The following KCNJ6 variants were observed in gnomAD, a reference collection of about 807,000 sequenced individuals.
KCNJ6 encodes the protein potassium inwardly rectifying channel subfamily J member 6.
A neutral mutation model predicts 34.2 loss-of-function variants in KCNJ6; 9 were observed. The ratio of observed to expected loss-of-function variants is 0.26; its 90% CI spans 0.16 to 0.46. KCNJ6 has a LOEUF of 0.46. KCNJ6 is among the 20% of genes least tolerant of loss of function. The probability of loss-of-function intolerance (pLI) is 1.00; values close to 1 mark genes in which losing one functional copy is unlikely to be tolerated. For missense variants in KCNJ6, 236 were observed against 531.3 expected (o/e 0.44, Z 5.46); for synonymous variants, 196 against 207.1 (o/e 0.95, Z 0.46).
At chr21:37,890,954 C>T (rs779093932) in intron 1 of KCNJ6, among the ~76,000 whole-genome samples, 6 of 152,128 alleles carry the variant, frequency 3.9e-5, no homozygotes, top group Non-Finnish European at 8.8e-5. Context: ...AAAATCTTTC[C>T]TGTAAAATAT....
At chr21:37,722,578 C>A (rs1053997223) in intron 2 of KCNJ6, among the ~76,000 whole-genome samples, 11 of 152,152 alleles carry the variant, frequency 7.2e-5, no homozygotes, top group African/African-American at 2.7e-4. Flanking sequence ...GGTACTGGTA[C>A]AAAAACAGAC....
At chr21:37,767,537 T>C (rs2055097367) in intron 2 of KCNJ6, among the ~76,000 whole-genome samples, 1 of 151,926 alleles carries the variant, frequency 6.6e-6, no homozygotes, top group African/African-American at 2.4e-5. Flanking sequence ...CTCTCACCAC[T>C]CCCCAGCCCC....
intron 2 of KCNJ6, among the ~76,000 whole-genome samples, chr21:37,734,282 G>A (rs1258771679): frequency 1.3e-5 from 2 of 152,124 alleles, no homozygotes; most frequent in African/African-American, 4.8e-5. Flanking sequence ...CTCCCACGGG[G>A]GAGGAATTGA....
intron 1 of KCNJ6, among the ~76,000 whole-genome samples, chr21:37,882,397 G>A (rs765716263): frequency 6.6e-6 from 1 of 152,154 alleles, no homozygotes; most frequent in Non-Finnish European, 1.5e-5. Flanking sequence ...CACAGAGGGC[G>A]ATGAAAACTA....
At chr21:37,655,961 T>C (rs540391723) in intron 3 of KCNJ6, among the ~76,000 whole-genome samples, 1 of 152,300 alleles carries the variant, frequency 6.6e-6, no homozygotes, top group Admixed American at 6.5e-5. Context: ...GAGGATGGCA[T>C]AGGAGAGAGC....
intron 1 of KCNJ6, among the ~76,000 whole-genome samples, chr21:37,888,718 C>G (rs189051381): frequency 6.6e-6 from 1 of 152,142 alleles, no homozygotes; most frequent in Non-Finnish European, 1.5e-5. Context: ...GATCACAACG[C>G]AGAAGAGATC....
At chr21:37,759,409 C>T (rs1006853186) in intron 2 of KCNJ6, among the ~76,000 whole-genome samples, 2 of 152,180 alleles carry the variant, frequency 1.3e-5, no homozygotes, top group East Asian at 1.9e-4. Flanking sequence ...AGAGCTGAAA[C>T]GCGGCCTCTC....
chr21:37,629,388 T>G (rs1331417850), intron 3 of KCNJ6, among the ~76,000 whole-genome samples: 2 of 152,162 alleles, frequency 1.3e-5, no homozygotes, highest in Non-Finnish European at 1.5e-5. Flanking sequence ...TATTATGGGC[T>G]GAATTGTGCA....
chr21:37,767,569 C>A (rs1184331206), intron 2 of KCNJ6, among the ~76,000 whole-genome samples: 1 of 152,116 alleles, frequency 6.6e-6, no homozygotes, highest in African/African-American at 2.4e-5. Context: ...CAGGGAGAGG[C>A]AGGAAAGTGA....
rs1159760989 is a variant in KCNJ6, at chr21:37,619,864, T to G, written c.*5295A>C. ...CATTTCTCTGTAGTTCATTAAGGAG[T>G]AATTTTACTGTATCCACTTTCTGAG... On this transcript the variant is annotated 3_prime_UTR_variant, in exon 4 of 4. Transcript: ENST00000609713. 6 of 152,042 alleles carry G rather than the reference T, an allele frequency of 3.9e-5. No homozygotes were observed. The highest frequency in any genetic ancestry group is 5.9e-5 in the Non-Finnish European group (4 of 68,026). 9.4% of individuals were successfully genotyped at this position (152,042 alleles called of 1,614,324 possible).
chr21:37,685,706 A>AAAAAAG (rs78443969), intron 3 of KCNJ6, among the ~76,000 whole-genome samples: 1,036 of 51,034 alleles, frequency 0.02, 400 homozygotes, highest in Middle Eastern at 0.065. Flanking sequence ...AAAAAAAAAA[A>AAAAAAG]AATCTATCCT....
At chr21:37,778,466 A>G (rs1325728311) in intron 2 of KCNJ6, among the ~76,000 whole-genome samples, 1 of 152,080 alleles carries the variant, frequency 6.6e-6, no homozygotes, top group Non-Finnish European at 1.5e-5. Context: ...TATTTTTCCA[A>G]TTTTATAGAA....
chr21:37,654,317 G>C (rs2054447679), intron 3 of KCNJ6, among the ~76,000 whole-genome samples: 2 of 151,718 alleles, frequency 1.3e-5, no homozygotes, highest in Non-Finnish European at 2.9e-5. Flanking sequence ...CACCTCAGTA[G>C]ACTCAACAAA....
At chr21:37,773,618 A>G (rs1357575268) in intron 2 of KCNJ6, among the ~76,000 whole-genome samples, 2 of 152,054 alleles carry the variant, frequency 1.3e-5, no homozygotes, top group East Asian at 3.9e-4. Context: ...TTGCTTTCTT[A>G]ACATGGAAAC....
chr21:37,625,639 A>G (rs896796565), intron 3 of KCNJ6, among the ~76,000 whole-genome samples, 155 bp from the exon 4 acceptor site: 3 of 152,240 alleles, frequency 2.0e-5, no homozygotes, highest in African/African-American at 7.2e-5. Flanking sequence ...TTGTAGACAC[A>G]TGCTAATGTG....
chr21:37,807,165 T>C (rs754484932), intron 2 of KCNJ6, among the ~76,000 whole-genome samples: 2 of 152,248 alleles, frequency 1.3e-5, no homozygotes, highest in South Asian at 2.1e-4. Flanking sequence ...GCTAATGACC[T>C]ACACTTACCC....
intron 1 of KCNJ6, among the ~76,000 whole-genome samples, chr21:37,856,164 G>A (rs2055564408): frequency 1.3e-5 from 2 of 152,198 alleles, no homozygotes; most frequent in South Asian, 4.1e-4. Context: ...ATTTCCGGAA[G>A]CTCTTCAGAT....
In KCNJ6 at chr21:37,625,184, T is replaced by C; in HGVS notation, c.1247A>G (p.Asn416Ser). Reference sequence around the variant, plus strand: ...CTAAACTTTGGATTCATTCTCCAGGTTTGCCACATCACCATTTCTTTCTGT... The same window carrying C: ...CTAAACTTTGGATTCATTCTCCAGGCTTGCCACATCACCATTTCTTTCTGT... Reference protein sequence around the residue: ...EQTERNGDVANLENESKV With the variant: ...EQTERNGDVASLENESKV Residue 416 changes from asparagine to serine, a missense_variant, in exon 4 of 4, where the codon AAC becomes AGC. Asn to Ser is a conservative substitution (Grantham distance 46). This residue lies in a region of KCNJ6 where 43 missense variants were observed against 52.1 expected (regional missense o/e 0.82). Transcript: ENST00000609713. 1 of 1,614,084 alleles carries C rather than the reference T, an allele frequency of 6.2e-7. No homozygotes were observed. Among genetic ancestry groups the C allele is most frequent in the Non-Finnish European group, 8.5e-7 (1 of 1,179,956 alleles).
intron 2 of KCNJ6, among the ~76,000 whole-genome samples, chr21:37,839,286 A>G (rs1187441048): frequency 6.6e-6 from 1 of 152,168 alleles, no homozygotes; most frequent in Non-Finnish European, 1.5e-5. Flanking sequence ...AAATAAGAGC[A>G]GGGGAGAGGG....
Sources: allele counts gnomAD v4.1 joint callset (sites outside exome capture counted in the v4.1 genomes callset), GRCh38; gene constraint gnomAD v4.1.1; regional missense constraint gnomAD v4.1.1; transcripts MANE v1.5; gene names NCBI Gene and HGNC (gene_info 2026-07-23, HGNC 2026-07-21).